ITGA8: variants seen among roughly 807,000 people sequenced by gnomAD.
ITGA8 encodes the protein integrin alpha-8.
Under a neutral mutation model 142.3 loss-of-function variants are expected in ITGA8, and 91 were observed. That is an observed-to-expected ratio of 0.64 (90% confidence interval 0.54 to 0.76). ITGA8 has a LOEUF of 0.76. Among genes scored for constraint, ITGA8 ranks in the 30% least tolerant of loss-of-function variants. The pLI is 0.00. For missense variants in ITGA8, 1,406 were observed against 1,327.7 expected (o/e 1.06, Z -0.92); for synonymous variants, 505 against 485.2 (o/e 1.04, Z -0.54).
chr10:15,526,100 C>T (rs1163101005), intron 28 of ITGA8, among the ~76,000 whole-genome samples: 2 of 152,138 alleles, frequency 1.3e-5, no homozygotes, highest in Non-Finnish European at 2.9e-5. Flanking sequence ...CCATGTTGGA[C>T]TGCATAGTTC....
chr10:15,575,350 A>G, intron 24 of ITGA8, 139 bp downstream of exon 24: 1 of 638,242 alleles, frequency 1.6e-6, no homozygotes, highest in East Asian at 3.1e-5. Context: ...TGATTGCACC[A>G]CTGCACTCCA....
chr10:15,673,919 A>T (rs1354645772), intron 6 of ITGA8, among the ~76,000 whole-genome samples: 1 of 152,226 alleles, frequency 6.6e-6, no homozygotes, highest in Non-Finnish European at 1.5e-5. Flanking sequence ...TGCAATTTCT[A>T]TGCATTCCCA....
chr10:15,549,047 T>G (rs1053481125), intron 26 of ITGA8, among the ~76,000 whole-genome samples: 1 of 152,134 alleles, frequency 6.6e-6, no homozygotes, highest in Non-Finnish European at 1.5e-5. Context: ...TCTGTGACTT[T>G]CATTCATTAG....
chr10:15,718,958 G>A, intron 1 of ITGA8, 59 bp from the exon 2 acceptor site: 1 of 1,611,930 alleles, frequency 6.2e-7, no homozygotes, highest in Non-Finnish European at 8.5e-7. Flanking sequence ...CGCATGCAAT[G>A]CAGTCTCTGT....
chr10:15,637,092 C>T (rs1022777566), intron 13 of ITGA8, among the ~76,000 whole-genome samples: 1 of 152,170 alleles, frequency 6.6e-6, no homozygotes, highest in African/African-American at 2.4e-5. Flanking sequence ...TTGCAGTGAT[C>T]CGAGATTGTG....
intron 12 of ITGA8, among the ~76,000 whole-genome samples, chr10:15,644,491 TAG>T (rs1468979324): frequency 4.3e-4 from 8 of 18,396 alleles, no homozygotes; most frequent in East Asian, 3.1e-3. Flanking sequence ...TATATATATA[TAG>T]AATTTTTTTT....
chr10:15,535,498 A>G (rs1249588598), intron 27 of ITGA8, among the ~76,000 whole-genome samples: 1 of 152,166 alleles, frequency 6.6e-6, no homozygotes, highest in Admixed American at 6.5e-5. Flanking sequence ...AAACACACCA[A>G]TCAGCACCCT....
intron 28 of ITGA8, among the ~76,000 whole-genome samples, chr10:15,521,799 G>A (rs1417024407): frequency 1.3e-5 from 2 of 152,202 alleles, no homozygotes; most frequent in Non-Finnish European, 2.9e-5. Context: ...AGGACCCACC[G>A]TGGTTGCAAT....
At chr10:15,517,287 A>T (rs376965414) in intron 29 of ITGA8, 43 bp from the exon 30 acceptor site, 76 of 1,277,078 alleles carry the variant, frequency 6.0e-5, no homozygotes, top group Non-Finnish European at 8.3e-5. Context: ...TCATTCTGGG[A>T]ACCTGTGAAA....
At chr10:15,624,499 G>T (rs1375802706) in intron 13 of ITGA8, among the ~76,000 whole-genome samples, 6 of 152,104 alleles carry the variant, frequency 3.9e-5, no homozygotes, top group Admixed American at 6.5e-5. Flanking sequence ...CAGATTTAGG[G>T]ACTCCTTGTG....
At position 15,695,970 on chromosome 10, in the gene ITGA8, C is replaced by A. The variant is rs576456408; in HGVS notation, c.344-7932G>T. Among the ~76,000 whole-genome samples the A allele has an allele frequency of 5.3e-5, 8 of 152,242 alleles. 1 individual carries two copies. The highest frequency in any genetic ancestry group is 1.2e-4 in the Non-Finnish European group (8 of 68,040). ...GGTAGCAACTTTCCAGACTTTCACA[C>A]CCTATCCTTGCCAACGTCCATGAAA... is the stretch of plus-strand genomic sequence containing the variant. On this transcript the variant is annotated intron_variant, in intron 2 of 29. Transcript: ENST00000378076.
rs564251302 is a variant in ITGA8 at position 15,671,411 on chromosome 10, A to G, written c.847+192T>C. Among the ~76,000 whole-genome samples, 4 of 152,288 alleles carry G rather than the reference A, an allele frequency of 2.6e-5. No homozygotes were observed. The East Asian group carries it at 7.7e-4, about 29-fold the overall frequency. On this transcript the variant is annotated intron_variant, in intron 8 of 29. Coordinates refer to ENST00000378076, the MANE Select transcript of ITGA8 (RefSeq NM_003638.3). ...ACTAGATTTTATAAAGTTGATATTC[A>G]TTCTTACAAAATTCTTTCAGACTTA... is the stretch of plus-strand genomic sequence containing the variant.
chr10:15,673,040 G>T (rs1275379413), intron 6 of ITGA8, among the ~76,000 whole-genome samples: 2 of 152,112 alleles, frequency 1.3e-5, no homozygotes, highest in Non-Finnish European at 2.9e-5. Context: ...GGCCAAATTT[G>T]CAAGTAAAAT....
intron 8 of ITGA8, among the ~76,000 whole-genome samples, chr10:15,663,894 T>TA (rs1311217676): frequency 4.5e-4 from 68 of 152,278 alleles, no homozygotes; most frequent in African/African-American, 1.5e-3. Flanking sequence ...TAATGCCACA[T>TA]TAAAAAAAAT....
chr10:15,676,222 G>T (rs901070149), intron 6 of ITGA8, among the ~76,000 whole-genome samples: 1 of 152,110 alleles, frequency 6.6e-6, no homozygotes, highest in South Asian at 2.1e-4. Context: ...GTACTCCTAC[G>T]TAAGGTCCAG....
chr10:15,705,843 G>C (rs971722532), intron 2 of ITGA8, among the ~76,000 whole-genome samples: 5 of 151,990 alleles, frequency 3.3e-5, no homozygotes, highest in African/African-American at 4.8e-5. Context: ...TTACCTAACT[G>C]GTGGCTCCTT....
At chr10:15,569,975 C>T (rs1230873194) in intron 25 of ITGA8, among the ~76,000 whole-genome samples, 1 of 152,104 alleles carries the variant, frequency 6.6e-6, no homozygotes, top group Non-Finnish European at 1.5e-5. Context: ...CCAGTACTCT[C>T]AATTATTTAT....
chr10:15,540,728 G>A (rs1833551910), intron 27 of ITGA8, among the ~76,000 whole-genome samples: 1 of 152,172 alleles, frequency 6.6e-6, no homozygotes, highest in African/African-American at 2.4e-5. Context: ...GGCTGTACCT[G>A]TGCTTTTGAG....
rs187323884 is a variant in ITGA8, at chr10:15,587,316, G to A, written c.2292-652C>T. Among the ~76,000 whole-genome samples the A allele has an allele frequency of 2.0e-4, 31 of 152,260 alleles. No homozygotes were observed. The Middle Eastern group carries it at 0.014, about 67-fold the overall frequency. On this transcript the variant is annotated intron_variant, in intron 22 of 29. Coordinates refer to ENST00000378076, the MANE Select transcript of ITGA8 (RefSeq NM_003638.3). ...TTGACAAATTCCTTAACATCTCTGC[G>A]CATATCATGTTCATTGCCCATTAAA...
Sources: allele counts gnomAD v4.1 joint callset (sites outside exome capture counted in the v4.1 genomes callset), GRCh38; gene constraint gnomAD v4.1.1; transcripts MANE v1.5; gene names NCBI Gene and HGNC (gene_info 2026-07-23, HGNC 2026-07-21).